The following CSNK2A2 variants were observed in gnomAD, a reference collection of about 807,000 sequenced individuals.
CSNK2A2 encodes the protein casein kinase II subunit alpha'.
CSNK2A2 carries 8 observed loss-of-function variants against 54.0 expected under a neutral mutation model. That is an observed-to-expected ratio of 0.15 (90% CI 0.09 to 0.27). The LOEUF (loss-of-function observed/expected upper bound fraction) is 0.27, where lower values mean the gene tolerates loss of function less well. CSNK2A2 is among the 10% of genes least tolerant of loss of function. The probability of loss-of-function intolerance (pLI) is 1.00; values close to 1 mark genes in which losing one functional copy is unlikely to be tolerated. For synonymous variants in CSNK2A2, 141 were observed against 153.9 expected, an observed-to-expected ratio of 0.92 and a Z score of 0.62; for missense variants, 242 against 439.4, an observed-to-expected ratio of 0.55 and a Z score of 4.02.
intron 4 of CSNK2A2, among the ~76,000 whole-genome samples, chr16:58,182,928 C>T (rs769619890): frequency 6.6e-6 from 1 of 152,196 alleles, no homozygotes; most frequent in Non-Finnish European, 1.5e-5. Flanking sequence ...TAAGGAGTCA[C>T]ATTAACAAGA....
At chr16:58,185,627 G>C (rs1962171579) in intron 3 of CSNK2A2, among the ~76,000 whole-genome samples, 1 of 152,112 alleles carries the variant, frequency 6.6e-6, no homozygotes, top group African/African-American at 2.4e-5. Context: ...TCAAACATGA[G>C]GCAGTCCAGA....
intron 2 of CSNK2A2, among the ~76,000 whole-genome samples, chr16:58,196,288 A>T (rs1451254659): frequency 6.6e-6 from 1 of 152,246 alleles, no homozygotes; most frequent in African/African-American, 2.4e-5. Flanking sequence ...GTGGAAAAAG[A>T]AGTAATGAAG....
chr16:58,184,494 CTG>C (rs1182007281), intron 3 of CSNK2A2, among the ~76,000 whole-genome samples, 184 bp from the exon 4 acceptor site: 2 of 152,108 alleles, frequency 1.3e-5, no homozygotes, highest in Non-Finnish European at 2.9e-5. Flanking sequence ...TTCAAAATAA[CTG>C]GGGATAGTGG....
At chr16:58,173,085 A>G (rs747162215) in intron 5 of CSNK2A2, among the ~76,000 whole-genome samples, 8 of 152,244 alleles carry the variant, frequency 5.3e-5, no homozygotes, top group Non-Finnish European at 1.0e-4. Context: ...TTACTCAGGA[A>G]GCACTTCCAG....
At chr16:58,196,361 G>GC (rs1567475405) in intron 2 of CSNK2A2, among the ~76,000 whole-genome samples, 2 of 152,300 alleles carry the variant, frequency 1.3e-5, no homozygotes, top group East Asian at 3.9e-4. Context: ...TCTAATCCCA[G>GC]CAACTATAGG....
chr16:58,192,465 T>C (rs1323204561), intron 2 of CSNK2A2, among the ~76,000 whole-genome samples: 7 of 149,310 alleles, frequency 4.7e-5, no homozygotes, highest in Non-Finnish European at 1.0e-4. Flanking sequence ...AAAAAAACCA[T>C]AAAAACACTA....
Position 58,170,578 on chromosome 16 carries a change from G to A in CSNK2A2, c.430-1885C>T, listed in dbSNP as rs984051241. Among the ~76,000 whole-genome samples the A allele has an allele frequency of 8.6e-5, 13 of 152,046 alleles. No homozygotes were observed. The South Asian group carries it at 1.7e-3, about 19-fold the overall frequency. ...CCTAATTATCTTCCAAAGTGGCTGC[G>A]TCACTTTTACTCCCACCAGCAACCT... On this transcript the variant is annotated intron_variant, in intron 5 of 11. Coordinates refer to ENST00000262506, the MANE Select transcript of CSNK2A2 (RefSeq NM_001896.4).
intron 2 of CSNK2A2, 70 bp downstream of exon 2, chr16:58,196,663 G>T: frequency 2.2e-6 from 2 of 914,786 alleles, no homozygotes; most frequent in South Asian, 2.6e-5. Context: ...TATAGAATGT[G>T]ACTGGGGTAC....
At chr16:58,163,867 A>C (rs1463475163) in intron 11 of CSNK2A2, 187 bp downstream of exon 11, 1 of 488,284 alleles carries the variant, frequency 2.0e-6, no homozygotes, top group Non-Finnish European at 3.6e-6. Context: ...CCATGCTGCC[A>C]CAGTGACAGC....
intron 2 of CSNK2A2, among the ~76,000 whole-genome samples, chr16:58,193,887 A>G (rs912055820): frequency 6.6e-6 from 1 of 152,254 alleles, no homozygotes; most frequent in African/African-American, 2.4e-5. Flanking sequence ...TTAAGATTTT[A>G]GCCACAGAAT....
chr16:58,180,499 G>A (rs1239130883), intron 4 of CSNK2A2, among the ~76,000 whole-genome samples: 1 of 151,696 alleles, frequency 6.6e-6, no homozygotes, highest in Non-Finnish European at 1.5e-5. Context: ...CAGAAAACCT[G>A]GATAAACTTT....
chr16:58,176,813 T>C (rs963585265), intron 4 of CSNK2A2, among the ~76,000 whole-genome samples: 10 of 152,308 alleles, frequency 6.6e-5, no homozygotes, highest in East Asian at 3.9e-4. Context: ...GAACACAATG[T>C]CCCCAGAGTT....
At chr16:58,194,875 C>T (rs952196600) in intron 2 of CSNK2A2, among the ~76,000 whole-genome samples, 11 of 151,870 alleles carry the variant, frequency 7.2e-5, no homozygotes, top group African/African-American at 2.4e-4. Context: ...GCGATGCTCT[C>T]CTAAATGAAC....
At chr16:58,167,597 G>A in intron 7 of CSNK2A2, 88 bp downstream of exon 7, 1 of 990,112 alleles carries the variant, frequency 1.0e-6, no homozygotes, top group Non-Finnish European at 1.6e-6. Flanking sequence ...TGGGTTTTGA[G>A]TGTATTCAAA....
At chr16:58,191,653 G>A (rs946656491) in intron 2 of CSNK2A2, among the ~76,000 whole-genome samples, 24 of 151,914 alleles carry the variant, frequency 1.6e-4, no homozygotes, top group African/African-American at 5.3e-4. Context: ...GTGAGGCACC[G>A]CGCCTAGCCT....
intron 10 of CSNK2A2, among the ~76,000 whole-genome samples, chr16:58,164,975 A>G (rs957377702): frequency 3.3e-5 from 5 of 152,234 alleles, no homozygotes; most frequent in Non-Finnish European, 5.9e-5. Flanking sequence ...AAGGAGACTG[A>G]TAATAGGAGG....
At chr16:58,175,756 AG>A (rs1317117556) in intron 4 of CSNK2A2, among the ~76,000 whole-genome samples, 2 of 152,204 alleles carry the variant, frequency 1.3e-5, no homozygotes, top group Non-Finnish European at 2.9e-5. Flanking sequence ...TGCTTTCTCA[AG>A]TTTCCCCCTT....
At chr16:58,179,024 T>C (rs189522228) in intron 4 of CSNK2A2, among the ~76,000 whole-genome samples, 2 of 152,306 alleles carry the variant, frequency 1.3e-5, no homozygotes, top group Admixed American at 6.5e-5. Flanking sequence ...GAGAAACTTT[T>C]GAGTATGAAC....
chr16:58,170,049 A>C lies in CSNK2A2; in HGVS notation c.430-1356T>G, dbSNP rs186118294. ...CAACAAAGCGGGTCTCAAAAAAAAA[A>C]CAATTATCATTACATATTATTCCAA... is the stretch of plus-strand genomic sequence containing the variant. On this transcript the variant is annotated intron_variant, in intron 5 of 11. Transcript: ENST00000262506. 2.0e-4 allele frequency among the ~76,000 whole-genome samples: 31 copies of C among 152,276 alleles called. No homozygotes were observed. In the East Asian group the frequency reaches 4.2e-3, roughly 21 times the overall value.
Sources: allele counts gnomAD v4.1 joint callset (sites outside exome capture counted in the v4.1 genomes callset), GRCh38; gene constraint gnomAD v4.1.1; transcripts MANE v1.5; gene names NCBI Gene and HGNC (gene_info 2026-07-23, HGNC 2026-07-21).